The following TGM6 variants were observed in gnomAD, a reference collection of about 807,000 sequenced individuals.
TGM6 encodes protein-glutamine gamma-glutamyltransferase 6.
TGM6 carries 74 observed loss-of-function variants against 77.5 expected under a neutral mutation model. That is an observed-to-expected ratio of 0.96 (90% CI 0.79 to 1.16). TGM6 has a LOEUF of 1.16. Among genes scored for constraint, TGM6 ranks in the 50% most tolerant of loss-of-function variants. TGM6 has a pLI of 0.00. For synonymous variants in TGM6, 383 were observed against 378.9 expected (o/e 1.01, Z -0.12); for missense variants, 968 against 940.2 (o/e 1.03, Z -0.39).
chr20:2,383,622 C>T (rs1224653262), intron 1 of TGM6, among the ~76,000 whole-genome samples: 3 of 152,142 alleles, frequency 2.0e-5, no homozygotes, highest in Non-Finnish European at 4.4e-5. Flanking sequence ...CTCTGAACCT[C>T]AGTTTCTCCA....
At chr20:2,390,377 A>C (rs1015461462) in intron 1 of TGM6, among the ~76,000 whole-genome samples, 2 of 152,258 alleles carry the variant, frequency 1.3e-5, no homozygotes, top group Non-Finnish European at 2.9e-5. Context: ...TGTTAATCAC[A>C]ATAAAACTAG....
At chr20:2,428,231 G>A (rs2084901766) in intron 10 of TGM6, among the ~76,000 whole-genome samples, 1 of 152,192 alleles carries the variant, frequency 6.6e-6, no homozygotes, top group African/African-American at 2.4e-5. Context: ...ATATTCTGCA[G>A]ATGTCAGTTA....
At chr20:2,385,189 C>A (rs901047456) in intron 1 of TGM6, among the ~76,000 whole-genome samples, 2 of 152,134 alleles carry the variant, frequency 1.3e-5, no homozygotes, top group African/African-American at 4.8e-5. Context: ...ATGATAATGG[C>A]AGTTCTGACT....
intron 10 of TGM6, among the ~76,000 whole-genome samples, chr20:2,426,885 A>G (rs1174790483): frequency 1.3e-5 from 2 of 152,160 alleles, no homozygotes; most frequent in African/African-American, 4.8e-5. Context: ...AATTTTTTAT[A>G]CATTGTTAAT....
intron 1 of TGM6, among the ~76,000 whole-genome samples, chr20:2,387,726 G>C (rs2084605367): frequency 6.6e-6 from 1 of 152,204 alleles, no homozygotes; most frequent in African/African-American, 2.4e-5. Context: ...AACTGCCCCA[G>C]CACTTAGGGG....
At chr20:2,405,127 G>C (rs948852978) in intron 9 of TGM6, among the ~76,000 whole-genome samples, 1 of 152,138 alleles carries the variant, frequency 6.6e-6, no homozygotes, top group Non-Finnish European at 1.5e-5. Flanking sequence ...GAGATGGCTG[G>C]GTCTGTGTTC....
At chr20:2,392,058 C>T (rs184771934) in intron 1 of TGM6, among the ~76,000 whole-genome samples, 2 of 152,316 alleles carry the variant, frequency 1.3e-5, no homozygotes, top group Non-Finnish European at 2.9e-5. Context: ...GTTCTCTGCT[C>T]CTGGGACTCC....
intron 5 of TGM6, 111 bp downstream of exon 5, chr20:2,398,157 T>G: frequency 6.4e-7 from 1 of 1,574,096 alleles, no homozygotes; most frequent in Non-Finnish European, 8.7e-7. Context: ...TTCGCTGTTG[T>G]TGCAGAACCA....
At chr20:2,410,247 C>T (rs1464239596) in intron 9 of TGM6, among the ~76,000 whole-genome samples, 1 of 152,124 alleles carries the variant, frequency 6.6e-6, no homozygotes, top group Non-Finnish European at 1.5e-5. Flanking sequence ...ATGATTTAAT[C>T]AGTCATGCCT....
intron 9 of TGM6, among the ~76,000 whole-genome samples, chr20:2,416,618 T>A (rs1402332136): frequency 3.9e-5 from 6 of 152,176 alleles, no homozygotes; most frequent in African/African-American, 1.4e-4. Flanking sequence ...AAGTTCTGGG[T>A]GTTGCCATAG....
intron 9 of TGM6, among the ~76,000 whole-genome samples, chr20:2,410,196 A>T (rs2084776412): frequency 6.6e-6 from 1 of 152,096 alleles, no homozygotes; most frequent in Admixed American, 6.5e-5. Context: ...ACCTCCAGGG[A>T]GGGGAGAGAG....
At chr20:2,428,618 G>A (rs13045470) in intron 10 of TGM6, among the ~76,000 whole-genome samples, 33,895 of 151,682 alleles carry the variant, frequency 0.22, 3,980 homozygotes, top group South Asian at 0.3. Flanking sequence ...TACCTAATGA[G>A]CATTCAATTT....
At chr20:2,409,112 T>C (rs552923083) in intron 9 of TGM6, among the ~76,000 whole-genome samples, 2 of 152,316 alleles carry the variant, frequency 1.3e-5, no homozygotes, top group South Asian at 2.1e-4. Flanking sequence ...CTTAAGAGGA[T>C]TGAAATCATA....
At chr20:2,414,590 C>T (rs2084802987) in intron 9 of TGM6, among the ~76,000 whole-genome samples, 1 of 152,022 alleles carries the variant, frequency 6.6e-6, no homozygotes, top group African/African-American at 2.4e-5. Context: ...AAACAAACAC[C>T]CACACAAAAA....
chr20:2,422,549 A>G (rs1188269917), intron 10 of TGM6, among the ~76,000 whole-genome samples: 1 of 152,216 alleles, frequency 6.6e-6, no homozygotes, highest in Admixed American at 6.5e-5. Context: ...TATTTACATT[A>G]TACTGTAGTC....
chr20:2,431,137 G>C, intron 12 of TGM6, 110 bp downstream of exon 12: 2 of 1,421,628 alleles, frequency 1.4e-6, no homozygotes, highest in Non-Finnish European at 1.9e-6. Context: ...GACACCCCAG[G>C]AACCAGCCCA....
rs2084679033 is a variant in TGM6, at chr20:2,397,829, T to C, written c.544-89T>C. The C allele has an allele frequency of 2.5e-6, 4 of 1,610,190 alleles. No homozygotes were observed. In the Admixed American group the frequency reaches 6.7e-5, roughly 27 times the overall value. ...GGGGCAGCAAACTGCCCTGCACAGA[T>C]GGGGTGACTGACCGGGTGAGGGCTG... On this transcript the variant is annotated intron_variant, in intron 4 of 12. Transcript: ENST00000202625.
At chr20:2,430,334 G>A (rs2084915901) in intron 10 of TGM6, 112 bp from the exon 11 acceptor site, 2 of 1,405,814 alleles carry the variant, frequency 1.4e-6, no homozygotes, top group East Asian at 4.6e-5. Context: ...TCTCAGAATG[G>A]TTGCAAGGAC....
intron 10 of TGM6, among the ~76,000 whole-genome samples, chr20:2,423,905 A>G (rs1175289416): frequency 6.6e-6 from 1 of 152,246 alleles, no homozygotes; most frequent in Admixed American, 6.5e-5. Context: ...GTACACCTCC[A>G]TCAGAGTTCT....
Sources: gnomAD v4.1 joint callset for allele counts (sites outside exome capture counted in the v4.1 genomes callset) on GRCh38, gnomAD v4.1.1 for gene constraint, MANE v1.5 for transcripts, NCBI Gene and HGNC (gene_info 2026-07-23, HGNC 2026-07-21) for gene names.